DIDO1: variants seen among roughly 807,000 people sequenced by gnomAD.
DIDO1 encodes the protein death inducer-obliterator 1.
DIDO1 carries 16 observed loss-of-function variants against 99.4 expected under a neutral mutation model. The observed-to-expected ratio is 0.16, with a 90% CI of 0.11 to 0.24. The LOEUF (loss-of-function observed/expected upper bound fraction) is 0.24. Ranked by LOEUF, DIDO1 falls within the 10% of genes least tolerant of loss-of-function variation. DIDO1 has a pLI of 1.00. For missense variants in DIDO1, 2,996 were observed against 3,014.0 expected, an observed-to-expected ratio of 0.99 and a Z score of 0.14; for synonymous variants, 1,366 against 1,239.1, an observed-to-expected ratio of 1.10 and a Z score of -2.15.
intron 1 of DIDO1, among the ~76,000 whole-genome samples, chr20:62,921,893 ATATATATATCCACAATATATATACAC>A: frequency 6.7e-6 from 1 of 149,672 alleles, no homozygotes; most frequent in South Asian, 2.1e-4. Flanking sequence ...TATACACACT[ATATATATATCCACAATATATATACAC>A]TATATATGTC....
chr20:62,936,593 C>A (rs2065387509), intron 1 of DIDO1, among the ~76,000 whole-genome samples: 1 of 151,370 alleles, frequency 6.6e-6, no homozygotes, highest in Non-Finnish European at 1.5e-5. Context: ...AGGCCGGGAG[C>A]GGTGGCTCAC....
At chr20:62,887,528 A>G in intron 15 of DIDO1, 2 of 985,456 alleles carry the variant, frequency 2.0e-6, no homozygotes, top group Non-Finnish European at 2.4e-6. Flanking sequence ...CCTGCCCTGT[A>G]CTTGGGGAGA....
intron 1 of DIDO1, among the ~76,000 whole-genome samples, chr20:62,920,614 G>A (rs1035767722): frequency 6.6e-6 from 1 of 152,338 alleles, no homozygotes; most frequent in Admixed American, 6.5e-5. Flanking sequence ...TTAGAGAAGT[G>A]GTTCTCAAAG....
rs898339086 is a variant in DIDO1, at chr20:62,880,589, G to A, written c.5367C>T (p.Asn1789=). 2.5e-6 allele frequency: 4 copies of A among 1,612,776 alleles called. No homozygotes were observed. Among genetic ancestry groups the A allele is most frequent in the African/African-American group, 2.7e-5 (2 of 74,944 alleles). ...PPFPEENIAS[N]DGPRGPPPAR... is the part of the protein sequence containing the mutation. ...CTGGCGGAGGCCCTCGTGGCCCATC[G>A]TTAGAAGCGATATTCTCTTCTGGAA... Residue 1789 remains asparagine (N), a synonymous_variant, in exon 16 of 16, where the codon AAC becomes AAT. Coordinates refer to ENST00000395343, the MANE Select transcript of DIDO1 (RefSeq NM_001193369.2).
chr20:62,893,752 A>T lies in DIDO1; in HGVS notation c.3015T>A (p.Ser1005=), dbSNP rs1228318260. The T allele has an allele frequency of 6.2e-7, 1 of 1,614,256 alleles. No homozygotes were observed. Among genetic ancestry groups the T allele is most frequent in the East Asian group, 2.2e-5 (1 of 44,888 alleles). ...RQDVPKPVLT[S]VMVPKSILAK... ...CTAGTATGGACTTGGGCACCATCACAGAAGTCAAGACAGGCTTCGGCACAT... is the reference window on the plus strand; with the variant it reads ...CTAGTATGGACTTGGGCACCATCACTGAAGTCAAGACAGGCTTCGGCACAT... Residue 1005 remains serine, a synonymous_variant, in exon 12 of 16, where the codon TCT becomes TCA. Transcript: ENST00000395343.
chr20:62,924,001 G>T (rs1441727790), intron 1 of DIDO1, among the ~76,000 whole-genome samples: 1 of 152,148 alleles, frequency 6.6e-6, no homozygotes, highest in Non-Finnish European at 1.5e-5. Flanking sequence ...AATAAAATGA[G>T]GCCTAGACAA....
chr20:62,908,626 T>C (rs987567420), intron 4 of DIDO1, among the ~76,000 whole-genome samples: 2 of 152,168 alleles, frequency 1.3e-5, no homozygotes, highest in African/African-American at 2.4e-5. Flanking sequence ...CATAATCAGT[T>C]TTCCTCCACA....
chr20:62,907,128 C>G lies in DIDO1; in HGVS notation c.1374+19G>C. 1 of 1,613,484 alleles carries G rather than the reference C, an allele frequency of 6.2e-7. No individual in the cohort carries two copies. The stretch of plus-strand genomic sequence containing the variant: ...GCCTGTGCGTCCACTGCCTGGGCGG[C>G]TGGTCCTGGTCCACTCACCTGAGCA... On this transcript the variant is annotated intron_variant, in intron 5 of 15. Transcript: ENST00000395343.
At chr20:62,924,902 C>G (rs984896378) in intron 1 of DIDO1, among the ~76,000 whole-genome samples, 5 of 152,134 alleles carry the variant, frequency 3.3e-5, no homozygotes, top group African/African-American at 1.2e-4. Context: ...TCAAGATACG[C>G]GCTTTTCCAA....
chr20:62,935,875 T>C (rs2065377943), intron 1 of DIDO1, among the ~76,000 whole-genome samples: 1 of 152,170 alleles, frequency 6.6e-6, no homozygotes, highest in Non-Finnish European at 1.5e-5. Context: ...AAAGCAAAGA[T>C]GATGGCTTCC....
At chr20:62,926,848 A>C (rs1328276133), upstream of DIDO1, among the ~76,000 whole-genome samples, 2 of 152,208 alleles carry the variant, frequency 1.3e-5, no homozygotes, top group Non-Finnish European at 2.9e-5. Flanking sequence ...TAAGACCGAT[A>C]AACCCTTCAA....
intron 6 of DIDO1, chr20:62,905,098 A>G: frequency 1.0e-6 from 1 of 995,824 alleles, no homozygotes; most frequent in South Asian, 4.5e-5. Flanking sequence ...TCTGTTTGAA[A>G]TATCTTCATT....
At chr20:62,900,700 CG>C (rs1434198152) in intron 6 of DIDO1, among the ~76,000 whole-genome samples, 1 of 152,222 alleles carries the variant, frequency 6.6e-6, no homozygotes, top group African/African-American at 2.4e-5. Context: ...CACGCCCTCA[CG>C]TAGGTGTTGA....
At chr20:62,917,644 G>A (rs1012748263) in intron 1 of DIDO1, among the ~76,000 whole-genome samples, 6 of 152,172 alleles carry the variant, frequency 3.9e-5, no homozygotes, top group African/African-American at 4.8e-5. Context: ...TGCAGCAGAA[G>A]CTTTATATAT....
rs373941619 is a variant in DIDO1, at chr20:62,882,441, T to C, written c.3542-27A>G. 8 of 1,585,480 alleles carry C rather than the reference T, an allele frequency of 5.0e-6. No individual in the cohort carries two copies. In the African/African-American group the frequency reaches 9.5e-5, roughly 19 times the overall value. On this transcript the variant is annotated intron_variant, in intron 15 of 15. Coordinates refer to ENST00000395343, the MANE Select transcript of DIDO1 (RefSeq NM_001193369.2). ...TGAAAAACAAAATATTTGTGCAAAT[T>C]TTAGAATCTAAATCCAGCTTTTACC... is the stretch of plus-strand genomic sequence containing the variant.
chr20:62,892,596 C>T (rs967427770), intron 13 of DIDO1, among the ~76,000 whole-genome samples: 3 of 152,310 alleles, frequency 2.0e-5, no homozygotes, highest in Middle Eastern at 3.4e-3. Flanking sequence ...CATTTCCGAC[C>T]CTGTCCAAAC....
chr20:62,896,915 A>G lies in DIDO1; in HGVS notation c.1670T>C (p.Val557Ala), dbSNP rs778385638. 2 of 1,613,956 alleles carry G rather than the reference A, an allele frequency of 1.2e-6. No individual in the cohort carries two copies. The highest frequency in any genetic ancestry group is 1.1e-5 in the South Asian group (1 of 91,082). ...SKKTAPPGSAVGKQPAPRNLV... is the reference protein window; with the variant it reads ...SKKTAPPGSAAGKQPAPRNLV... ...GTTTCTAGGTGCAGGCTGCTTGCCC[A>G]CCGCGGAGCCTGGAGGGGCTGTTTT... Residue 557 changes from valine (V) to alanine (A), a missense_variant, in exon 7 of 16, where the codon GTG becomes GCG. Val to Ala is a moderately conservative substitution (Grantham distance 64). Around this residue, in one of 5 missense-constraint regions of DIDO1, gnomAD observed 898 missense variants for 972.7 expected, o/e 0.92. Coordinates refer to ENST00000395343, the MANE Select transcript of DIDO1 (RefSeq NM_001193369.2). This position sits in a 1 kb window ranked among gnomAD's most constrained non-coding sequence, Gnocchi z 4.4.
chr20:62,907,876 G>A (rs1053218319), intron 4 of DIDO1, among the ~76,000 whole-genome samples: 2 of 152,230 alleles, frequency 1.3e-5, no homozygotes, highest in Non-Finnish European at 2.9e-5. Context: ...TAGGATCTGA[G>A]GGCAAGGCTG....
chr20:62,900,599 T>C (rs1036629689), intron 6 of DIDO1, among the ~76,000 whole-genome samples: 4 of 152,216 alleles, frequency 2.6e-5, no homozygotes, highest in African/African-American at 9.7e-5. Context: ...AGTTCTGGAC[T>C]GTCCAGAGGC....
Sources: allele counts gnomAD v4.1 joint callset (sites outside exome capture counted in the v4.1 genomes callset), GRCh38; gene constraint gnomAD v4.1.1; regional missense constraint gnomAD v4.1.1; non-coding constraint Gnocchi (gnomAD v3.1); transcripts MANE v1.5; gene names NCBI Gene and HGNC (gene_info 2026-07-23, HGNC 2026-07-21).